Variants in ZNF518A observed in about 807,000 individuals in gnomAD.
ZNF518A encodes the protein zinc finger protein 518.
Under a neutral mutation model 102.7 loss-of-function variants are expected in ZNF518A, and 47 were observed. That is an observed-to-expected ratio of 0.46 (90% CI 0.36 to 0.58). The LOEUF (loss-of-function observed/expected upper bound fraction) is 0.58, where lower values mean the gene tolerates loss of function less well. Among genes scored for constraint, ZNF518A ranks in the 20% least tolerant of loss-of-function variants. The pLI is 0.00. For missense variants in ZNF518A, 1,793 were observed against 1,699.8 expected (o/e 1.05, Z -0.96); for synonymous variants, 652 against 594.6 (o/e 1.10, Z -1.40).
chr10:96,145,927 A>G (rs1554878339), intron 3 of ZNF518A, among the ~76,000 whole-genome samples: 2 of 152,212 alleles, frequency 1.3e-5, no homozygotes, highest in South Asian at 2.1e-4. Flanking sequence ...TGTGGAGGCC[A>G]TGGTGATCTA....
intron 3 of ZNF518A, among the ~76,000 whole-genome samples, chr10:96,138,301 G>C (rs2081722397): frequency 6.6e-6 from 1 of 152,186 alleles, no homozygotes; most frequent in African/African-American, 2.4e-5. Flanking sequence ...AGCCTTTACA[G>C]TTTCTATCAG....
At chr10:96,147,685 C>G (rs1299634110) in intron 3 of ZNF518A, among the ~76,000 whole-genome samples, 1 of 152,108 alleles carries the variant, frequency 6.6e-6, no homozygotes, top group Non-Finnish European at 1.5e-5. Flanking sequence ...AATCTAAAGT[C>G]ATTTGATTTC....
chr10:96,181,347 T>C (rs1554892009), intron 1 of ZNF518A, among the ~76,000 whole-genome samples: 2 of 151,808 alleles, frequency 1.3e-5, no homozygotes, highest in African/African-American at 4.9e-5. Flanking sequence ...CTCTTTAGTT[T>C]AATTAGATCC....
intron 3 of ZNF518A, 149 bp downstream of exon 3, chr10:96,133,797 T>G (rs1299674725): frequency 6.6e-6 from 1 of 152,212 alleles, no homozygotes; most frequent in Admixed American, 6.5e-5. Context: ...AGCAAATGGA[T>G]TTCTGTTCAG....
chr10:96,159,714 T>G lies in ZNF518A; in HGVS notation c.3392T>G (p.Ile1131Arg), dbSNP rs782561390. 1 of 1,613,150 alleles carries G rather than the reference T, an allele frequency of 6.2e-7. No individual in the cohort carries two copies. ...KLVQNSTYQN[I>R]QPKKPEGTPQ... Reference sequence around the variant, plus strand: ...GTCCAAAATAGTACTTATCAAAATATACAGCCAAAGAAACCTGAAGGAACA... The same window carrying G: ...GTCCAAAATAGTACTTATCAAAATAGACAGCCAAAGAAACCTGAAGGAACA... Residue 1131 changes from isoleucine to arginine, a missense_variant, in exon 6 of 6, where the codon ATA becomes AGA. Transcript: ENST00000316045.
intron 1 of ZNF518A, among the ~76,000 whole-genome samples, chr10:96,197,870 C>T (rs1267168677): frequency 9.4e-5 from 14 of 148,336 alleles, no homozygotes; most frequent in African/African-American, 3.2e-4. Flanking sequence ...GAGCCAAGAT[C>T]GTGCCACTGC....
downstream of ZNF518A, among the ~76,000 whole-genome samples, chr10:96,166,796 C>T (rs2083144171): frequency 1.3e-5 from 2 of 152,080 alleles, no homozygotes; most frequent in South Asian, 2.1e-4. Context: ...GGGAAAGAGA[C>T]AACCTAGATA....
downstream of ZNF518A, among the ~76,000 whole-genome samples, chr10:96,166,768 A>G (rs1250891165): frequency 5.3e-5 from 8 of 152,164 alleles, no homozygotes; most frequent in African/African-American, 1.7e-4. Context: ...CTCTGTCTCA[A>G]AAAGAAAGAA....
At chr10:96,187,775 A>C (rs2083281127) in intron 1 of ZNF518A, among the ~76,000 whole-genome samples, 1 of 152,212 alleles carries the variant, frequency 6.6e-6, no homozygotes, top group Non-Finnish European at 1.5e-5. Flanking sequence ...GCTTGCCTGA[A>C]AATTTCTTTA....
exon 3 of ZNF518A, chr10:96,204,113 T>G: frequency 6.2e-7 from 1 of 1,613,384 alleles, no homozygotes; most frequent in Non-Finnish European, 8.5e-7. Flanking sequence ...TTCAGATAAT[T>G]AAAGGACAAA....
intron 1 of ZNF518A, among the ~76,000 whole-genome samples, chr10:96,192,866 A>G (rs186341333): frequency 6.6e-6 from 1 of 152,242 alleles, no homozygotes; most frequent in Non-Finnish European, 1.5e-5. Flanking sequence ...AAATGTATTT[A>G]GAATCACTTT....
chr10:96,180,892 T>C (rs1345744545), intron 1 of ZNF518A, among the ~76,000 whole-genome samples: 2 of 152,242 alleles, frequency 1.3e-5, no homozygotes, highest in Admixed American at 6.5e-5. Context: ...ATGGTATTTC[T>C]AGTTCTAGAT....
At chr10:96,191,235 C>CTTTTTTTTT (rs34920263) in intron 1 of ZNF518A, among the ~76,000 whole-genome samples, 3 of 130,266 alleles carry the variant, frequency 2.3e-5, no homozygotes, top group East Asian at 2.2e-4. Context: ...CATTAAACCT[C>CTTTTTTTTT]TTTTTTTTTT....
chr10:96,142,425 G>T (rs1241864515), intron 3 of ZNF518A, among the ~76,000 whole-genome samples: 1 of 150,090 alleles, frequency 6.7e-6, no homozygotes, highest in Admixed American at 6.7e-5. Context: ...GCTTTGGTTT[G>T]ATCACCACTC....
Position 96,158,102 on chromosome 10 carries a change from A to G in ZNF518A, c.1780A>G (p.Thr594Ala). 5 of 1,613,638 alleles carry G rather than the reference A, an allele frequency of 3.1e-6. No homozygotes were observed. The highest frequency in any genetic ancestry group is 2.2e-5 in the East Asian group (1 of 44,872). Reference protein sequence around the residue: ...TQSHPEVLGTTIKSPDKVNCV... With the variant: ...TQSHPEVLGTAIKSPDKVNCV... ...GAGTCACCCCGAGGTATTAGGTACCACCATTAAAAGTCCAGATAAAGTCAA... is the reference window on the plus strand; with the variant it reads ...GAGTCACCCCGAGGTATTAGGTACCGCCATTAAAAGTCCAGATAAAGTCAA... The change falls in exon 6 of 6, where the codon ACC becomes GCC. Residue 594 changes from threonine (T) to alanine (A), a missense_variant. Coordinates refer to ENST00000316045, the MANE Select transcript of ZNF518A (RefSeq NM_001330736.2).
intron 3 of ZNF518A, among the ~76,000 whole-genome samples, chr10:96,150,565 T>C (rs2133606564): frequency 6.6e-6 from 1 of 150,756 alleles, no homozygotes; most frequent in African/African-American, 2.4e-5. Context: ...AAAACTTAGG[T>C]ACAATTTTTT....
At chr10:96,191,895 A>C in intron 1 of ZNF518A, 1 of 1,567,584 alleles carries the variant, frequency 6.4e-7, no homozygotes, top group Non-Finnish European at 8.8e-7. Context: ...CAAAATATGA[A>C]GTTTTGGGAC....
downstream of ZNF518A, among the ~76,000 whole-genome samples, chr10:96,168,437 GT>G (rs782643011): frequency 1.7e-3 from 230 of 137,980 alleles, 2 homozygotes; most frequent in South Asian, 3.7e-3. Context: ...CCTTTCCAGT[GT>G]TTTTTTTTTT....
intron 1 of ZNF518A, among the ~76,000 whole-genome samples, chr10:96,197,977 A>G (rs2083518594): frequency 6.6e-6 from 1 of 151,526 alleles, no homozygotes; most frequent in Admixed American, 6.6e-5. Context: ...CAGTAATTCA[A>G]ATTTTATTAA....
Sources: gnomAD v4.1 joint callset for allele counts (sites outside exome capture counted in the v4.1 genomes callset) on GRCh38, gnomAD v4.1.1 for gene constraint, MANE v1.5 for transcripts, NCBI Gene and HGNC (gene_info 2026-07-23, HGNC 2026-07-21) for gene names.